PIGN: variants seen among roughly 807,000 people sequenced by gnomAD.
The protein encoded by PIGN is GPI ethanolamine phosphate transferase 1.
A neutral mutation model predicts 125.4 loss-of-function variants in PIGN; 117 were observed. That is an observed-to-expected ratio of 0.93 (90% CI 0.80 to 1.09). The LOEUF (loss-of-function observed/expected upper bound fraction) is 1.09. Ranked by LOEUF, PIGN falls within the 50% of genes least tolerant of loss-of-function variation. The probability of loss-of-function intolerance (pLI) is 0.00; values close to 1 mark genes in which losing one functional copy is unlikely to be tolerated. For synonymous variants in PIGN, 392 were observed against 377.8 expected, an observed-to-expected ratio of 1.04 and a Z score of -0.44; for missense variants, 1,075 against 1,094.9, an observed-to-expected ratio of 0.98 and a Z score of 0.26.
intron 28 of PIGN, among the ~76,000 whole-genome samples, chr18:62,078,218 T>G (rs2033270896): frequency 6.6e-6 from 1 of 152,128 alleles, no homozygotes; most frequent in Non-Finnish European, 1.5e-5. Context: ...AGCCAGAAAT[T>G]TGAGGGTGGA....
At chr18:62,088,507 A>G (rs1694790052) in intron 25 of PIGN, 1 of 218,472 alleles carries the variant, frequency 4.6e-6, no homozygotes. Context: ...TTTAAAAAAC[A>G]TATGTGACAA....
chr18:62,171,387 T>A (rs1415255254), intron 1 of PIGN, among the ~76,000 whole-genome samples: 1 of 152,150 alleles, frequency 6.6e-6, no homozygotes, highest in East Asian at 1.9e-4. Context: ...GCTTTTTAAC[T>A]TTCTGGAGAT....
At chr18:62,029,675 G>A (rs746142674) in intron 23 of PIGN, among the ~76,000 whole-genome samples, 18 of 152,176 alleles carry the variant, frequency 1.2e-4, no homozygotes, top group Non-Finnish European at 2.4e-4. Flanking sequence ...GTGGGGAGGC[G>A]GAGGGGAGAA....
chr18:62,066,394 G>T (rs1351864624), intron 30 of PIGN, among the ~76,000 whole-genome samples: 3 of 152,188 alleles, frequency 2.0e-5, no homozygotes, highest in African/African-American at 7.2e-5. Context: ...ATTATCTACT[G>T]TGAACGATAG....
chr18:62,050,909 A>T (rs2031225147), intron 30 of PIGN, among the ~76,000 whole-genome samples: 1 of 151,452 alleles, frequency 6.6e-6, no homozygotes, highest in Non-Finnish European at 1.5e-5. Flanking sequence ...TTTTAGCATG[A>T]ACGGTTGTTG....
chr18:62,068,875 C>T (rs2032678863), intron 30 of PIGN, among the ~76,000 whole-genome samples: 1 of 152,192 alleles, frequency 6.6e-6, no homozygotes, highest in Non-Finnish European at 1.5e-5. Context: ...AGTGTTCAGA[C>T]AGCTCCTGTT....
chr18:62,108,274 A>T (rs1344868688), intron 17 of PIGN, among the ~76,000 whole-genome samples: 1 of 152,190 alleles, frequency 6.6e-6, no homozygotes, highest in Non-Finnish European at 1.5e-5. Flanking sequence ...AAAGATAAAG[A>T]TAGGACACAA....
intron 1 of PIGN, among the ~76,000 whole-genome samples, chr18:62,164,828 A>G (rs536869898): frequency 6.6e-6 from 1 of 152,344 alleles, no homozygotes; most frequent in Admixed American, 6.5e-5. Context: ...CAAGGAGACT[A>G]TTAGAAAGCT....
downstream of PIGN, among the ~76,000 whole-genome samples, chr18:62,038,408 G>C (rs968066): frequency 0.52 from 77,531 of 148,176 alleles, 21,861 homozygotes; most frequent in East Asian, 0.71. Context: ...AACTTCACAT[G>C]TTAGAAACTT....
intron 30 of PIGN, among the ~76,000 whole-genome samples, chr18:62,049,182 T>C (rs1473822102): frequency 6.6e-6 from 1 of 152,110 alleles, no homozygotes; most frequent in Non-Finnish European, 1.5e-5. Context: ...TGTGTCTTTA[T>C]AGCAGCATGA....
chr18:62,182,553 T>C (rs943248435), intron 1 of PIGN, among the ~76,000 whole-genome samples: 1 of 152,214 alleles, frequency 6.6e-6, no homozygotes, highest in Non-Finnish European at 1.5e-5. Flanking sequence ...TTAATCTCCA[T>C]TGACACCTCT....
intron 8 of PIGN, among the ~76,000 whole-genome samples, chr18:62,147,391 C>T (rs2036372886): frequency 6.6e-6 from 1 of 152,154 alleles, no homozygotes; most frequent in South Asian, 2.1e-4. Flanking sequence ...ACGTTCATGT[C>T]TCTCACTCTT....
intron 30 of PIGN, among the ~76,000 whole-genome samples, chr18:62,059,338 G>A (rs1055927695): frequency 6.6e-6 from 1 of 152,000 alleles, no homozygotes; most frequent in African/African-American, 2.4e-5. Context: ...GTTCCAGGGG[G>A]GAAACCAGGC....
chr18:62,155,420 T>A (rs986320584), intron 6 of PIGN, among the ~76,000 whole-genome samples: 2 of 151,752 alleles, frequency 1.3e-5, no homozygotes, highest in South Asian at 2.1e-4. Flanking sequence ...GAGAAAAAAA[T>A]TAGCTGGGTG....
chr18:62,124,783 C>T (rs57815466), intron 14 of PIGN, among the ~76,000 whole-genome samples: 4,017 of 152,108 alleles, frequency 0.026, 176 homozygotes, highest in African/African-American at 0.091. Context: ...GGAAAACAGG[C>T]AAAATTTATT....
At chr18:62,039,680 A>T (rs1213736425), downstream of PIGN, among the ~76,000 whole-genome samples, 13 of 82,394 alleles carry the variant, frequency 1.6e-4, no homozygotes, top group South Asian at 4.1e-4. Flanking sequence ...TTTAGGGCCC[A>T]TCCAGGGTGC....
At chr18:62,099,550 C>A (rs2034354450) in intron 22 of PIGN, among the ~76,000 whole-genome samples, 1 of 151,986 alleles carries the variant, frequency 6.6e-6, no homozygotes, top group African/African-American at 2.4e-5. Context: ...AGGCTGAAGG[C>A]ATGATTTCAA....
chr18:62,141,486 C>T (rs2036133139), intron 11 of PIGN, among the ~76,000 whole-genome samples: 1 of 152,208 alleles, frequency 6.6e-6, no homozygotes, highest in South Asian at 2.1e-4. Context: ...GATACGTTCG[C>T]TAGTCCCTCA....
intron 16 of PIGN, 69 bp downstream of exon 16, chr18:62,113,065 C>T: frequency 8.5e-7 from 1 of 1,176,828 alleles, no homozygotes. Flanking sequence ...ATCCTATAAA[C>T]TCATTACACT....
Sources: gnomAD v4.1 joint callset for allele counts (sites outside exome capture counted in the v4.1 genomes callset) on GRCh38, gnomAD v4.1.1 for gene constraint, MANE v1.5 for transcripts, NCBI Gene and HGNC (gene_info 2026-07-23, HGNC 2026-07-21) for gene names.